GOT1: variants seen among roughly 807,000 people sequenced by gnomAD.
The protein encoded by GOT1 is aspartate aminotransferase, cytoplasmic.
A neutral mutation model predicts 48.2 loss-of-function variants in GOT1; 25 were observed. That is an observed-to-expected ratio of 0.52 (90% CI 0.38 to 0.72). The LOEUF is 0.72. Among genes scored for constraint, GOT1 ranks in the 30% least tolerant of loss-of-function variants. The pLI is 0.00. For synonymous variants in GOT1, 188 were observed against 193.8 expected (o/e 0.97, Z 0.25); for missense variants, 380 against 520.1 (o/e 0.73, Z 2.62).
At chr10:99,415,269 G>A (rs1488876893) in intron 2 of GOT1, among the ~76,000 whole-genome samples, 9 of 152,182 alleles carry the variant, frequency 5.9e-5, no homozygotes, top group South Asian at 2.1e-4. Context: ...TATCACCACC[G>A]ATCCCACAGA....
At chr10:99,405,060 C>T (rs1260563936) in intron 5 of GOT1, among the ~76,000 whole-genome samples, 1 of 152,184 alleles carries the variant, frequency 6.6e-6, no homozygotes, top group Non-Finnish European at 1.5e-5. Context: ...TATCTCACAG[C>T]ATCACAGCTG....
At chr10:99,403,679 G>A (rs889855088) in intron 6 of GOT1, 45 bp from the exon 7 acceptor site, 5 of 1,613,888 alleles carry the variant, frequency 3.1e-6, no homozygotes, top group Non-Finnish European at 4.2e-6. Context: ...GAAGCAGGGA[G>A]TGATGCGAGG....
intron 2 of GOT1, among the ~76,000 whole-genome samples, chr10:99,417,863 G>A (rs987349363): frequency 6.6e-6 from 1 of 152,026 alleles, no homozygotes; most frequent in African/African-American, 2.4e-5. Flanking sequence ...GAGAACACTT[G>A]GACACAGGAA....
In GOT1 at chr10:99,430,579, G is replaced by T; in HGVS notation, c.-14C>A. On this transcript the variant is annotated 5_prime_UTR_variant, in exon 1 of 9. Transcript: ENST00000370508. ...CGGAGGTGCCATATCGAGAGACTAG[G>T]AATCAAGAGATTTCACCCCACGCCC... 1.3e-6 allele frequency: 2 copies of T among 1,571,804 alleles called. No homozygotes were observed. Among genetic ancestry groups the T allele is most frequent in the Non-Finnish European group, 1.7e-6 (2 of 1,154,586 alleles).
chr10:99,396,992 T>C lies in GOT1; in HGVS notation c.*555A>G, dbSNP rs2642. The C allele has an allele frequency of 0.047, 7,186 of 153,054 alleles. 566 individuals carry two copies. Among genetic ancestry groups the C allele is most frequent in the African/African-American group, 0.16 (6,658 of 41,502 alleles). The allele number at this position is 153,054 out of a possible 1,614,324, so 9.5% of individuals were successfully genotyped here. ...ACTGTTTGGTAAAACTTGTTTCAGT[T>C]AAATATGTACGTGTCCGTGCATGTC... On this transcript the variant is annotated 3_prime_UTR_variant, in exon 9 of 9. Transcript: ENST00000370508.
intron 5 of GOT1, among the ~76,000 whole-genome samples, chr10:99,404,664 C>A (rs2032729799): frequency 6.6e-6 from 1 of 152,148 alleles, no homozygotes; most frequent in South Asian, 2.1e-4. Flanking sequence ...CTGACCCATT[C>A]CCTGCTATGA....
At position 99,420,799 on chromosome 10, in the gene GOT1, C is replaced by A. The variant is rs552098213; in HGVS notation, c.125G>T (p.Arg42Leu). The change falls in exon 2 of 9, where the codon CGC becomes CTC. Residue 42 changes from arginine (R) to leucine (L), a missense_variant. Arg to Leu is a moderately radical substitution (Grantham distance 102). Coordinates refer to ENST00000370508, the MANE Select transcript of GOT1 (RefSeq NM_002079.3). ...AACCCAGGGATGGCAGTCATCCGTG[C>A]GATATGCTGGAGAATGGAAAAGAGT... ...RKVNLGVGAYRTDDCHPWVLP... is the reference protein window; with the variant it reads ...RKVNLGVGAYLTDDCHPWVLP... 1.2e-5 allele frequency: 20 copies of A among 1,612,336 alleles called. 1 individual carries two copies. The South Asian group carries it at 1.8e-4, about 14-fold the overall frequency.
Position 99,415,680 on chromosome 10 carries a change from G to A in GOT1, c.300+4944C>T, listed in dbSNP as rs181932151. Among the ~76,000 whole-genome samples the A allele has an allele frequency of 1.6e-4, 25 of 152,244 alleles. No homozygotes were observed. In the East Asian group the frequency reaches 3.9e-3, roughly 23 times the overall value. Reference sequence around the variant, plus strand: ...ACCAATATCCCTGATGAACATCGACGCAAAAATCCTCAATAAAATGCTGGC... The same window carrying A: ...ACCAATATCCCTGATGAACATCGACACAAAAATCCTCAATAAAATGCTGGC... On this transcript the variant is annotated intron_variant, in intron 2 of 8. Transcript: ENST00000370508.
chr10:99,405,306 A>G (rs980873488), intron 5 of GOT1, among the ~76,000 whole-genome samples: 2 of 152,222 alleles, frequency 1.3e-5, no homozygotes, highest in Non-Finnish European at 2.9e-5. Flanking sequence ...CATCAGATCA[A>G]GCAATCTGAA....
At chr10:99,427,762 A>C (rs1210944937) in intron 1 of GOT1, among the ~76,000 whole-genome samples, 2 of 152,138 alleles carry the variant, frequency 1.3e-5, no homozygotes, top group East Asian at 3.9e-4. Context: ...CCTGAAATAC[A>C]GGTGTGGGCA....
rs1264905666 is a variant in GOT1 at position 99,397,492 on chromosome 10, A to G, written c.*55T>C. On this transcript the variant is annotated 3_prime_UTR_variant, in exon 9 of 9. Transcript: ENST00000370508. This position sits in a 1 kb window ranked among gnomAD's most constrained non-coding sequence, Gnocchi z 5.4. Reference sequence around the variant, plus strand: ...TATGTACATGTAGGTTTGTGCAGGCAGGGAACACACATGACAGAGAACTAC... The same window carrying G: ...TATGTACATGTAGGTTTGTGCAGGCGGGGAACACACATGACAGAGAACTAC... 7 of 1,578,910 alleles carry G rather than the reference A, an allele frequency of 4.4e-6. No individual in the cohort carries two copies. The highest frequency in any genetic ancestry group is 8.7e-7 in the Non-Finnish European group (1 of 1,149,808).
intron 2 of GOT1, 131 bp downstream of exon 2, chr10:99,420,493 T>G (rs1301381606): frequency 1.5e-6 from 1 of 688,140 alleles, no homozygotes; most frequent in Non-Finnish European, 2.4e-6. Flanking sequence ...GTTCCTGAAC[T>G]CGCGCTACAG....
At chr10:99,411,453 G>C (rs2032827160) in intron 2 of GOT1, among the ~76,000 whole-genome samples, 1 of 152,200 alleles carries the variant, frequency 6.6e-6, no homozygotes, top group South Asian at 2.1e-4. Flanking sequence ...AACAATTACT[G>C]TTGGTTTACT....
At chr10:99,420,291 G>T in intron 2 of GOT1, 1 of 226,276 alleles carries the variant, frequency 4.4e-6, no homozygotes, top group East Asian at 1.1e-4. Flanking sequence ...TAAATGACTT[G>T]CCTATGATCA....
rs1350523537 is a variant in GOT1, at chr10:99,430,615, G to A, written c.-50C>T. On this transcript the variant is annotated 5_prime_UTR_variant, in exon 1 of 9. Transcript: ENST00000370508. ...TTTCACCCCACGCCCGGAGCTGGCA[G>A]GTCAGGTCTGGCCGTTGCGACTGGA... 2.0e-6 allele frequency: 3 copies of A among 1,477,446 alleles called. No individual in the cohort carries two copies. The highest frequency in any genetic ancestry group is 2.8e-6 in the Non-Finnish European group (3 of 1,083,860). The allele number at this position is 1,477,446 out of a possible 1,614,324, so 91.5% of individuals were successfully genotyped here.
At chr10:99,419,100 T>C (rs139513611) in intron 2 of GOT1, among the ~76,000 whole-genome samples, 32 of 152,364 alleles carry the variant, frequency 2.1e-4, no homozygotes, top group Admixed American at 2.0e-3. Flanking sequence ...TCTGCCATTC[T>C]GCTTATCAGG....
chr10:99,398,566 A>G lies in GOT1; in HGVS notation c.1103-880T>C, dbSNP rs1219293935. Among the ~76,000 whole-genome samples, 3 of 152,040 alleles carry G rather than the reference A, an allele frequency of 2.0e-5. No homozygotes were observed. In the East Asian group the frequency reaches 5.8e-4, roughly 29 times the overall value. On this transcript the variant is annotated intron_variant, in intron 8 of 8. Coordinates refer to ENST00000370508, the MANE Select transcript of GOT1 (RefSeq NM_002079.3). ...GTGCCTATGGTCCCAGCTACTCAGG[A>G]GGCTGAGGCAGGAGAATTGCTTGAA...
intron 1 of GOT1, among the ~76,000 whole-genome samples, chr10:99,427,044 TC>T (rs1160742487): frequency 6.6e-6 from 1 of 152,182 alleles, no homozygotes; most frequent in Non-Finnish European, 1.5e-5. Context: ...TAGATCCTTA[TC>T]CAAACACCTG....
intron 2 of GOT1, among the ~76,000 whole-genome samples, 162 bp from the exon 3 acceptor site, chr10:99,407,011 T>C (rs1171171873): frequency 6.6e-6 from 1 of 152,250 alleles, no homozygotes; most frequent in Non-Finnish European, 1.5e-5. Flanking sequence ...AAAAAGGTAC[T>C]ATGATTTGCC....
Sources: allele counts gnomAD v4.1 joint callset (sites outside exome capture counted in the v4.1 genomes callset), GRCh38; gene constraint gnomAD v4.1.1; non-coding constraint Gnocchi (gnomAD v3.1); transcripts MANE v1.5; gene names NCBI Gene and HGNC (gene_info 2026-07-23, HGNC 2026-07-21).